ZNF469: variants seen among roughly 807,000 people sequenced by gnomAD.
The protein encoded by ZNF469 is zinc finger protein 469.
Under a neutral mutation model 1.0 loss-of-function variants are expected in ZNF469, and 1 was observed. The ratio of observed to expected loss-of-function variants is 1.00; its 90% confidence interval spans 0.35 to 4.73. The LOEUF (loss-of-function observed/expected upper bound fraction) is 4.73, where lower values mean the gene tolerates loss of function less well. ZNF469 is among the 30% of genes most tolerant of loss of function. ZNF469 has a pLI of 0.16. For missense variants in ZNF469, 6,100 were observed against 5,356.3 expected (o/e 1.14, Z -4.33); for synonymous variants, 2,703 against 2,363.4 (o/e 1.14, Z -4.17).
chr16:88,270,653 A>G, the ZNF469 span, among the ~76,000 whole-genome samples: 3 of 152,214 alleles, frequency 2.0e-5, no homozygotes, highest in African/African-American at 7.2e-5. Context: ...AAGTATCCAA[A>G]GCAATCATGC....
At chr16:88,300,666 C>T in the ZNF469 span, among the ~76,000 whole-genome samples, 2 of 152,088 alleles carry the variant, frequency 1.3e-5, no homozygotes, top group African/African-American at 2.4e-5. Context: ...ACAAGTGAGT[C>T]GTGAGTGGGC....
In ZNF469 at chr16:88,433,142, G is replaced by A; in HGVS notation, c.5672G>A (p.Arg1891Lys). ...TGTGTATCCAACACCCACCCTAGCAGGAGGTCCCAGGACCCAGCTTTGAGC... is the reference window on the plus strand; with the variant it reads ...TGTGTATCCAACACCCACCCTAGCAAGAGGTCCCAGGACCCAGCTTTGAGC... ...PACVSNTHPS[R>K]RSQDPALSPP... The change falls in exon 3 of 3, where the codon AGG becomes AAG. Residue 1891 changes from arginine to lysine, a missense_variant. By Grantham distance (26) the Arg-to-Lys change is conservative. Coordinates refer to ENST00000565624, the MANE Select transcript of ZNF469 (RefSeq NM_001367624.2). The A allele has an allele frequency of 2.6e-6, 4 of 1,550,344 alleles. No individual in the cohort carries two copies. Among genetic ancestry groups the A allele is most frequent in the East Asian group, 2.4e-5 (1 of 40,924 alleles).
chr16:88,366,858 CCAT>C, the ZNF469 span, among the ~76,000 whole-genome samples: 4 of 151,620 alleles, frequency 2.6e-5, no homozygotes, highest in East Asian at 5.8e-4. Flanking sequence ...CACTACCACA[CCAT>C]CAACACCATC....
the ZNF469 span, among the ~76,000 whole-genome samples, chr16:88,234,322 A>T: frequency 1.3e-5 from 2 of 152,340 alleles, no homozygotes; most frequent in South Asian, 2.1e-4. Flanking sequence ...TATAGATGGG[A>T]TGGGATTTAA....
At chr16:88,110,012 A>C in the ZNF469 span, among the ~76,000 whole-genome samples, 1 of 152,230 alleles carries the variant, frequency 6.6e-6, no homozygotes, top group Admixed American at 6.5e-5. Context: ...CTTCCTGCAA[A>C]CAGCCTCCCA....
At chr16:88,320,353 TTCTTAAAGGCTGA>T in the ZNF469 span, among the ~76,000 whole-genome samples, 8 of 152,202 alleles carry the variant, frequency 5.3e-5, no homozygotes, top group African/African-American at 1.9e-4. Context: ...TCATCAGCAT[TTCTTAAAGGCTGA>T]CCACGAGATT....
the ZNF469 span, among the ~76,000 whole-genome samples, chr16:88,260,829 C>T: frequency 6.6e-6 from 1 of 152,098 alleles, no homozygotes; most frequent in Non-Finnish European, 1.5e-5. The surrounding 1 kb of genome is among the most constrained non-coding windows in gnomAD (Gnocchi z 4.1). Flanking sequence ...TTGTTCTGAA[C>T]CATGGTGGGG....
At position 88,429,353 on chromosome 16, in the gene ZNF469, C is replaced by T. The variant is rs1273841231; in HGVS notation, c.1883C>T (p.Pro628Leu). Residue 628 changes from proline (P) to leucine (L), a missense_variant, in exon 3 of 3, where the codon CCC becomes CTC. Coordinates refer to ENST00000565624, the MANE Select transcript of ZNF469 (RefSeq NM_001367624.2). ...PSSEESQLPG[P>L]LGPSAFFHPP... ...TCAGAGGAAAGCCAGCTCCCCGGCC[C>T]CCTCGGGCCCTCGGCCTTCTTCCAC... is the stretch of plus-strand genomic sequence containing the variant. The T allele has an allele frequency of 3.2e-6, 5 of 1,549,670 alleles. No individual in the cohort carries two copies. Among genetic ancestry groups the T allele is most frequent in the African/African-American group, 1.4e-5 (1 of 73,024 alleles).
At chr16:88,363,537 T>C in the ZNF469 span, among the ~76,000 whole-genome samples, 1 of 152,258 alleles carries the variant, frequency 6.6e-6, no homozygotes, top group African/African-American at 2.4e-5. Flanking sequence ...CCAGATGTCC[T>C]GGCAAAGTTT....
chr16:88,174,778 T>A, the ZNF469 span, among the ~76,000 whole-genome samples: 1 of 151,832 alleles, frequency 6.6e-6, no homozygotes, highest in African/African-American at 2.4e-5. Flanking sequence ...ATACAGTATA[T>A]AATACACATA....
the ZNF469 span, among the ~76,000 whole-genome samples, chr16:88,219,959 C>T: frequency 6.6e-6 from 1 of 152,226 alleles, no homozygotes; most frequent in East Asian, 1.9e-4. Flanking sequence ...TGCTCCCCTT[C>T]CTGGTTCTCC....
At chr16:88,418,598 T>C (rs77330683) in intron 1 of ZNF469, among the ~76,000 whole-genome samples, 10,880 of 142,054 alleles carry the variant, frequency 0.077, 490 homozygotes, top group African/African-American at 0.11. Context: ...TCTTTCCCCA[T>C]GTGCCCCCTT....
chr16:88,107,768 G>A, the ZNF469 span, among the ~76,000 whole-genome samples: 2 of 152,260 alleles, frequency 1.3e-5, no homozygotes, highest in Non-Finnish European at 2.9e-5. Flanking sequence ...GTCAGGGCAC[G>A]CCTGGCTTGC....
the ZNF469 span, among the ~76,000 whole-genome samples, chr16:88,141,476 A>C: frequency 8.8e-6 from 1 of 114,024 alleles, no homozygotes; most frequent in Non-Finnish European, 1.9e-5. Flanking sequence ...TGAAACGCTC[A>C]GCCTGGGAAA....
At chr16:88,305,672 A>G in the ZNF469 span, among the ~76,000 whole-genome samples, 438 of 152,238 alleles carry the variant, frequency 2.9e-3, no homozygotes, top group African/African-American at 9.9e-3. Flanking sequence ...TCACATACAC[A>G]CACATGCTCA....
chr16:88,360,440 G>T, the ZNF469 span, among the ~76,000 whole-genome samples: 2 of 152,008 alleles, frequency 1.3e-5, no homozygotes, highest in African/African-American at 4.8e-5. Flanking sequence ...CATCTCTCCA[G>T]TCAGCGCCCG....
chr16:88,328,686 C>T, the ZNF469 span, among the ~76,000 whole-genome samples: 1 of 152,176 alleles, frequency 6.6e-6, no homozygotes, highest in Non-Finnish European at 1.5e-5. Flanking sequence ...AACCCTCAAG[C>T]GTTCCAGCCG....
the ZNF469 span, among the ~76,000 whole-genome samples, chr16:88,193,084 G>A: frequency 2.1e-4 from 11 of 52,960 alleles, no homozygotes; most frequent in East Asian, 1.5e-3. Context: ...GGTGGTGATG[G>A]TGGTGGTGAT....
chr16:88,122,179 TCGGATTGCATCCCGTCACTCAATAGGGCC>T, the ZNF469 span, among the ~76,000 whole-genome samples: 8 of 146,238 alleles, frequency 5.5e-5, no homozygotes, highest in Non-Finnish European at 1.1e-4. Context: ...CGGCAACCAC[TCGGATTGCATCCCGTCACTCAATAGGGCC>T]ACGGCAGCCA....
Sources: allele counts gnomAD v4.1 joint callset (sites outside exome capture counted in the v4.1 genomes callset), GRCh38; gene constraint gnomAD v4.1.1; non-coding constraint Gnocchi (gnomAD v3.1); transcripts MANE v1.5; gene names NCBI Gene and HGNC (gene_info 2026-07-23, HGNC 2026-07-21).